Variants in EFTUD2 observed in about 807,000 individuals in gnomAD.
EFTUD2 encodes 116 kDa U5 small nuclear ribonucleoprotein component.
Under a neutral mutation model 114.3 loss-of-function variants are expected in EFTUD2, and 9 were observed. That is an observed-to-expected ratio of 0.08 (90% CI 0.05 to 0.14). The LOEUF (loss-of-function observed/expected upper bound fraction) is 0.14. EFTUD2 is among the 10% of genes least tolerant of loss of function. The pLI, the probability that EFTUD2 is intolerant of heterozygous loss-of-function variation, is 1.00. For missense variants in EFTUD2, 765 were observed against 1,241.2 expected, an observed-to-expected ratio of 0.62 and a Z score of 5.76; for synonymous variants, 449 against 462.3, an observed-to-expected ratio of 0.97 and a Z score of 0.37.
At position 44,879,621 on chromosome 17, in the gene EFTUD2, C is replaced by T. The variant is rs1239692872; in HGVS notation, c.637G>A (p.Asp213Asn). The change falls in exon 9 of 28, where the codon GAT becomes AAT. Residue 213 changes from aspartate to asparagine, a missense_variant. Asp to Asn is a conservative substitution (Grantham distance 23, BLOSUM62 1). This residue lies in a region of EFTUD2 where 251 missense variants were observed against 357.7 expected (regional missense o/e 0.70). Coordinates refer to ENST00000426333, the MANE Select transcript of EFTUD2 (RefSeq NM_004247.4). Reference sequence around the variant, plus strand: ...ATGCGCAAGCCAGCTGTGACCTCATCAGAGAAATTCACATGTCCTGAAAAG... The same window carrying T: ...ATGCGCAAGCCAGCTGTGACCTCATTAGAGAAATTCACATGTCCTGAAAAG... ...MDTPGHVNFSDEVTAGLRISD... is the reference protein window; with the variant it reads ...MDTPGHVNFSNEVTAGLRISD... The T allele has an allele frequency of 1.9e-6, 3 of 1,613,856 alleles. No homozygotes were observed. Among genetic ancestry groups the T allele is most frequent in the Non-Finnish European group, 2.5e-6 (3 of 1,179,930 alleles).
chr17:44,896,538 T>C (rs2145587327), intron 1 of EFTUD2, among the ~76,000 whole-genome samples: 1 of 152,272 alleles, frequency 6.6e-6, no homozygotes, highest in East Asian at 1.9e-4. Context: ...TCCCAGCTAC[T>C]CAGCAGGCTG....
intron 11 of EFTUD2, among the ~76,000 whole-genome samples, chr17:44,871,000 A>G (rs1397796689): frequency 6.6e-6 from 1 of 151,850 alleles, no homozygotes; most frequent in Admixed American, 6.6e-5. Context: ...CCTAGGCAAC[A>G]GAGTGAGATT....
intron 9 of EFTUD2, 89 bp from the exon 10 acceptor site, chr17:44,876,189 A>C: frequency 6.9e-7 from 1 of 1,451,738 alleles, no homozygotes; most frequent in Non-Finnish European, 9.2e-7. Flanking sequence ...ATTTCAAACC[A>C]TGAAGCCTGG....
intron 10 of EFTUD2, among the ~76,000 whole-genome samples, chr17:44,875,268 C>A (rs373598468): frequency 6.6e-6 from 1 of 151,968 alleles, no homozygotes; most frequent in Non-Finnish European, 1.5e-5. Flanking sequence ...TGGTGGTTCA[C>A]GCCTGTAATC....
chr17:44,881,811 G>C (rs2145541600), intron 6 of EFTUD2, 89 bp from the exon 7 acceptor site: 1 of 1,243,130 alleles, frequency 8.0e-7, no homozygotes, highest in East Asian at 2.3e-5. Flanking sequence ...CTACCTCCCA[G>C]CTCAAGGGTT....
Position 44,854,826 on chromosome 17 carries a change from T to C in EFTUD2, c.2132+92A>G. On this transcript the variant is annotated intron_variant, in intron 21 of 27. Coordinates refer to ENST00000426333, the MANE Select transcript of EFTUD2 (RefSeq NM_004247.4). The surrounding 1 kb of genome is among the most constrained non-coding windows in gnomAD (Gnocchi z 4.3). ...AGAGCAAAGGCAAAGACATAAATGC[T>C]CCCCAGAAAGATGTGTGCTCTTAGA... 1 of 1,562,366 alleles carries C rather than the reference T, an allele frequency of 6.4e-7. No individual in the cohort carries two copies.
At chr17:44,878,175 G>C (rs2051003231) in intron 9 of EFTUD2, among the ~76,000 whole-genome samples, 1 of 152,092 alleles carries the variant, frequency 6.6e-6, no homozygotes, top group African/African-American at 2.4e-5. Flanking sequence ...AGAGTTAGAA[G>C]ACTCACTATT....
rs150104145 is a variant in EFTUD2, at chr17:44,862,742, G to A, written c.1578C>T (p.Thr526=). The A allele has an allele frequency of 8.7e-5, 141 of 1,613,868 alleles. 1 individual carries two copies. The highest frequency in any genetic ancestry group is 3.3e-4 in the Middle Eastern group (2 of 6,062). The change falls in exon 16 of 28, where the codon ACC becomes ACT. Residue 526 remains threonine (T), a synonymous_variant. Coordinates refer to ENST00000426333, the MANE Select transcript of EFTUD2 (RefSeq NM_004247.4). ...LEDEEDSQIC[T]VGRLWISVAR... The stretch of plus-strand genomic sequence containing the variant: ...CCACAGAGATCCAAAGGCGGCCCAC[G>A]GTGCATATCTGGGAGTCTTCCTCAT...
rs751411304 is a variant in EFTUD2 at position 44,883,099 on chromosome 17, G to T, written c.486C>A (p.Asp162Glu). ...QTHPEIRKRY[D>E]QDLCYTDILF... ...CAACAGAAGTTCTACTTACATCTTGGTCATAGCGCTTTCTGATTTCCGGGT... is the reference window on the plus strand; with the variant it reads ...CAACAGAAGTTCTACTTACATCTTGTTCATAGCGCTTTCTGATTTCCGGGT... Residue 162 changes from aspartate (D) to glutamate (E), a missense_variant, in exon 6 of 28, where the codon GAC (aspartate) becomes GAA (glutamate). By Grantham distance (45) the Asp-to-Glu change is conservative (BLOSUM62 2). Transcript: ENST00000426333. 4 of 1,613,922 alleles carry T rather than the reference G, an allele frequency of 2.5e-6. No individual in the cohort carries two copies. In the African/African-American group the frequency reaches 5.3e-5, roughly 22 times the overall value.
chr17:44,881,347 A>G (rs1200529823), intron 7 of EFTUD2, among the ~76,000 whole-genome samples: 1 of 152,276 alleles, frequency 6.6e-6, no homozygotes, highest in African/African-American at 2.4e-5. Flanking sequence ...GCGGATTTTT[A>G]AAGGATGATG....
intron 10 of EFTUD2, among the ~76,000 whole-genome samples, chr17:44,873,732 CTTTTT>C (rs1307223826): frequency 7.5e-6 from 1 of 133,274 alleles, no homozygotes; most frequent in African/African-American, 2.7e-5. Flanking sequence ...CCACTTCCTA[CTTTTT>C]TTTTTTTTTT....
Position 44,853,629 on chromosome 17 carries a change from C to T in EFTUD2, c.2354G>A (p.Arg785Gln), listed in dbSNP as rs1461642529. ...ATCCAGGATCTTAAACTTGACATTC[C>T]GAATCACTGTAAAGGAGGTGGAGGG... The part of the protein sequence containing the change: ...REGPLCDELI[R>Q]NVKFKILDAV... Residue 785 changes from arginine (R) to glutamine (Q), a missense_variant, in exon 24 of 28, where the codon CGG (arginine) becomes CAG (glutamine). Physicochemically the swap from Arg to Gln is conservative, Grantham distance 43. Around this residue, in one of 6 missense-constraint regions of EFTUD2, gnomAD observed 166 missense variants for 401.5 expected, o/e 0.41. Transcript: ENST00000426333. 7 of 1,614,102 alleles carry T rather than the reference C, an allele frequency of 4.3e-6. No homozygotes were observed. Among genetic ancestry groups the T allele is most frequent in the Non-Finnish European group, 5.9e-6 (7 of 1,180,010 alleles).
In EFTUD2 at chr17:44,857,173, T is replaced by A; in HGVS notation, c.1963-16A>T. The A allele has an allele frequency of 1.2e-6, 2 of 1,612,150 alleles. No homozygotes were observed. Among genetic ancestry groups the A allele is most frequent in the Non-Finnish European group, 1.7e-6 (2 of 1,178,378 alleles). On this transcript the variant is annotated splice_polypyrimidine_tract_variant and intron_variant, in intron 19 of 27. Coordinates refer to ENST00000426333, the MANE Select transcript of EFTUD2 (RefSeq NM_004247.4). ...GGTCAGCCACCTGGGAAACAGAAAA[T>A]AAATTACTGAAGCGAGGTCTAATTT... is the stretch of plus-strand genomic sequence containing the variant.
In EFTUD2 at chr17:44,850,263, A is replaced by G; in HGVS notation, c.*1011T>C. ...GAGCAGCTAGAGGTGAACCCCTAGGACGCCTGAGAGCCAGAGGACGGGTGA... is the reference window on the plus strand; with the variant it reads ...GAGCAGCTAGAGGTGAACCCCTAGGGCGCCTGAGAGCCAGAGGACGGGTGA... On this transcript the variant is annotated 3_prime_UTR_variant, in exon 28 of 28. Coordinates refer to ENST00000426333, the MANE Select transcript of EFTUD2 (RefSeq NM_004247.4). The G allele has an allele frequency of 7.8e-7, 1 of 1,289,626 alleles. No individual in the cohort carries two copies. Among genetic ancestry groups the G allele is most frequent in the Non-Finnish European group, 1.1e-6 (1 of 907,308 alleles). 79.9% of individuals were successfully genotyped at this position (1,289,626 alleles called of 1,614,324 possible).
chr17:44,851,988 G>C (rs1465696200), intron 26 of EFTUD2, among the ~76,000 whole-genome samples, 171 bp from the exon 27 acceptor site: 1 of 152,038 alleles, frequency 6.6e-6, no homozygotes, highest in African/African-American at 2.4e-5. Flanking sequence ...CATGATCTCG[G>C]CTCAATGCAA....
At chr17:44,862,573 C>T (rs1164647016) in intron 16 of EFTUD2, 140 bp downstream of exon 16, 1 of 729,424 alleles carries the variant, frequency 1.4e-6, no homozygotes, top group East Asian at 2.8e-5. Flanking sequence ...AGTCAATAGC[C>T]CTGCGGAGGG....
intron 11 of EFTUD2, among the ~76,000 whole-genome samples, chr17:44,869,914 C>T (rs1395938416): frequency 1.3e-5 from 2 of 152,148 alleles, no homozygotes; most frequent in Admixed American, 6.6e-5. Flanking sequence ...TATAGAAGTC[C>T]GAAGTTGTTC....
intron 1 of EFTUD2, among the ~76,000 whole-genome samples, chr17:44,895,444 C>T (rs1263279934): frequency 1.4e-5 from 2 of 143,010 alleles, no homozygotes; most frequent in Admixed American, 7.6e-5. Flanking sequence ...TGCAGTGAGG[C>T]GAGATGGCAC....
intron 9 of EFTUD2, 59 bp downstream of exon 9, chr17:44,879,497 T>C: frequency 6.4e-7 from 1 of 1,562,316 alleles, no homozygotes. Flanking sequence ...TGGGTATTGT[T>C]GCGGGGTGGG....
Sources: gnomAD v4.1 joint callset for allele counts (sites outside exome capture counted in the v4.1 genomes callset) on GRCh38, gnomAD v4.1.1 for gene constraint, gnomAD v4.1.1 regional missense constraint, Gnocchi (gnomAD v3.1) non-coding constraint, MANE v1.5 for transcripts, NCBI Gene and HGNC (gene_info 2026-07-23, HGNC 2026-07-21) for gene names.